OLR1: variants seen among roughly 807,000 people sequenced by gnomAD.
The protein encoded by OLR1 is oxidized low-density lipoprotein receptor 1.
A neutral mutation model predicts 31.7 loss-of-function variants in OLR1; 23 were observed. The ratio of observed to expected loss-of-function variants is 0.72; its 90% CI spans 0.52 to 1.03. The LOEUF (loss-of-function observed/expected upper bound fraction) is 1.03, where lower values mean the gene tolerates loss of function less well. Ranked by LOEUF, OLR1 falls within the 50% of genes least tolerant of loss-of-function variation. The probability of loss-of-function intolerance (pLI) is 0.00; values close to 1 mark genes in which losing one functional copy is unlikely to be tolerated. For synonymous variants in OLR1, 117 were observed against 115.8 expected (o/e 1.01, Z -0.07); for missense variants, 286 against 315.7 (o/e 0.91, Z 0.71).
At chr12:10,166,322 G>T (rs11832836) in intron 3 of OLR1, among the ~76,000 whole-genome samples, 1,939 of 152,232 alleles carry the variant, frequency 0.013, 39 homozygotes, top group African/African-American at 0.045. Flanking sequence ...GAGGTCAGGA[G>T]TTCGCGACCA....
At chr12:10,173,296 T>C (rs2137532103), upstream of OLR1, among the ~76,000 whole-genome samples, 1 of 149,746 alleles carries the variant, frequency 6.7e-6, no homozygotes, top group East Asian at 2.0e-4. Context: ...TTACTTTAAA[T>C]TACTCCAGGA....
intron 3 of OLR1, among the ~76,000 whole-genome samples, chr12:10,163,590 T>A (rs1948636951): frequency 6.6e-6 from 1 of 152,130 alleles, no homozygotes; most frequent in Non-Finnish European, 1.5e-5. Flanking sequence ...TGGCTTTTTT[T>A]TTTTTTCTGT....
chr12:10,160,072 GC>G lies in OLR1; in HGVS notation c.681-52del, dbSNP rs1220903947. 3 of 1,552,242 alleles carry G rather than the reference GC, an allele frequency of 1.9e-6. No homozygotes were observed. In the African/African-American group the frequency reaches 4.1e-5, roughly 21 times the overall value. On this transcript the variant is annotated intron_variant, in intron 5 of 5. Coordinates refer to ENST00000309539, the MANE Select transcript of OLR1 (RefSeq NM_002543.4). Reference sequence around the variant, plus strand: ...ACCAACAAAAAAACTTAGGTTTACTGCCACCTTGTTTCAGAAACTTAGCTTT... The same window carrying G: ...ACCAACAAAAAAACTTAGGTTTACTGCACCTTGTTTCAGAAACTTAGCTTT...
At chr12:10,173,751 C>A (rs1241909093), upstream of OLR1, among the ~76,000 whole-genome samples, 8 of 138,334 alleles carry the variant, frequency 5.8e-5, no homozygotes, top group Non-Finnish European at 1.1e-4. Flanking sequence ...GGCAACAGAG[C>A]GAGACTCCCT....
chr12:10,166,566 TGA>T (rs1342835023), intron 3 of OLR1, 144 bp downstream of exon 3: 3 of 814,830 alleles, frequency 3.7e-6, no homozygotes, highest in Non-Finnish European at 5.9e-6. Context: ...AAAAAGAAAT[TGA>T]GAACTTCTTG....
At chr12:10,160,316 AGAGAG>A in intron 5 of OLR1, 26 bp downstream of exon 5, 1 of 1,530,220 alleles carries the variant, frequency 6.5e-7, no homozygotes, top group South Asian at 1.1e-5. Context: ...GAAACTGACG[AGAGAG>A]GCATCAAAAA....
rs1410024324 is a variant in OLR1 at position 10,159,904 on chromosome 12, C to A, written c.798G>T (p.Lys266Asn). The change falls in exon 6 of 6, where the codon AAG (lysine) becomes AAT (asparagine). Residue 266 changes from lysine to asparagine, a missense_variant. Coordinates refer to ENST00000309539, the MANE Select transcript of OLR1 (RefSeq NM_002543.4). ...TTCACTGTGCTCTTAGGTTTGCCTT[C>A]TTCTGACATATACTGAAGGCAGCTA... ...CILAAFSICQ[K>N]KANLRAQ 1 of 1,613,270 alleles carries A rather than the reference C, an allele frequency of 6.2e-7. No individual in the cohort carries two copies. The highest frequency in any genetic ancestry group is 1.3e-5 in the African/African-American group (1 of 74,932).
intron 3 of OLR1, among the ~76,000 whole-genome samples, chr12:10,162,518 A>G (rs1186235673): frequency 6.6e-6 from 1 of 152,204 alleles, no homozygotes; most frequent in Non-Finnish European, 1.5e-5. Context: ...CCATCATATT[A>G]TGTAAATATA....
intron 3 of OLR1, among the ~76,000 whole-genome samples, chr12:10,165,467 C>T (rs1245632339): frequency 1.3e-5 from 2 of 151,222 alleles, no homozygotes; most frequent in African/African-American, 4.9e-5. Context: ...TGATGTAGTA[C>T]ACTTTAAGAA....
rs994573018 is a variant in OLR1, at chr12:10,169,298, T to C, written c.77-123A>G. The C allele has an allele frequency of 3.3e-5, 19 of 572,916 alleles. No individual in the cohort carries two copies. In the East Asian group the frequency reaches 5.3e-4, roughly 16 times the overall value. 35.5% of individuals were successfully genotyped at this position (572,916 alleles called of 1,614,324 possible). Reference sequence around the variant, plus strand: ...TTATGTTTTAGTAAATAGACATAAATAGTTTGCATTCCATACCACTAGTCC... The same window carrying C: ...TTATGTTTTAGTAAATAGACATAAACAGTTTGCATTCCATACCACTAGTCC... On this transcript the variant is annotated intron_variant, in intron 1 of 5. Coordinates refer to ENST00000309539, the MANE Select transcript of OLR1 (RefSeq NM_002543.4).
At chr12:10,168,676 T>C (rs769792539) in intron 2 of OLR1, among the ~76,000 whole-genome samples, 4 of 152,144 alleles carry the variant, frequency 2.6e-5, no homozygotes, top group African/African-American at 4.8e-5. Context: ...GTATTTTTAG[T>C]AGAGATGGGG....
intron 2 of OLR1, chr12:10,167,292 A>G (rs1213586454): frequency 4.6e-6 from 1 of 218,512 alleles, no homozygotes; most frequent in East Asian, 1.1e-4. Flanking sequence ...CCTGGCCAAC[A>G]TGGTGAAACC....
chr12:10,171,875 T>C (rs1396928950), intron 1 of OLR1, 127 bp downstream of exon 1: 2 of 630,030 alleles, frequency 3.2e-6, no homozygotes, highest in East Asian at 2.7e-5. Context: ...TTCTTTTAAG[T>C]AAATGGTATT....
rs1173800270 is a variant in OLR1, at chr12:10,159,734, G to T, written c.*146C>A. On this transcript the variant is annotated 3_prime_UTR_variant, in exon 6 of 6. Coordinates refer to ENST00000309539, the MANE Select transcript of OLR1 (RefSeq NM_002543.4). Reference sequence around the variant, plus strand: ...TTGACATAAAGGTGCCAGGCTCCTGGAACCCCAGTTTCTGCAAAGGAGTTC... The same window carrying T: ...TTGACATAAAGGTGCCAGGCTCCTGTAACCCCAGTTTCTGCAAAGGAGTTC... 8.9e-6 allele frequency: 6 copies of T among 673,372 alleles called. No homozygotes were observed. The highest frequency in any genetic ancestry group is 1.8e-5 in the African/African-American group (1 of 56,276). 41.7% of individuals were successfully genotyped at this position (673,372 alleles called of 1,614,324 possible). A position where few individuals can be genotyped will look rare whatever the true frequency, so the allele number is the denominator to read the frequency against.
At position 10,167,338 on chromosome 12, in the gene OLR1, G is replaced by A. The variant is rs1948671457; in HGVS notation, c.179-381C>T. The A allele has an allele frequency of 2.2e-5, 4 of 179,768 alleles. No homozygotes were observed. In the South Asian group the frequency reaches 4.3e-4, roughly 19 times the overall value. 11.1% of individuals were successfully genotyped at this position (179,768 alleles called of 1,614,324 possible). On this transcript the variant is annotated intron_variant, in intron 2 of 5. Transcript: ENST00000309539. ...TAAAAATACCAAAGAAATTAGCTGA[G>A]GGTGGTGGCACGCGCCTGTAGTCCC...
At position 10,166,719 on chromosome 12, in the gene OLR1, A is replaced by G; in HGVS notation, c.417T>C (p.Asn139=). 1 of 1,613,844 alleles carries G rather than the reference A, an allele frequency of 6.2e-7. No homozygotes were observed. Among genetic ancestry groups the G allele is most frequent in the South Asian group, 1.1e-5 (1 of 91,072 alleles). Residue 139 remains asparagine (N), a synonymous_variant, in exon 3 of 6, where the codon AAT becomes AAC. Transcript: ENST00000309539. ...CCACCCTTCTCCCAATACCTGAACA[A>G]TTTGCTACTCTCTTCAGTGTTTCTT... ...NLQETLKRVA[N]CSAPCPQDWI... is the part of the protein sequence containing the mutation.
Position 10,160,352 on chromosome 12 carries a change from G to A in OLR1, c.675C>T (p.Pro225=), listed in dbSNP as rs778557944. The change falls in exon 5 of 6, where the codon CCC becomes CCT. Residue 225 remains proline, a synonymous_variant. Coordinates refer to ENST00000309539, the MANE Select transcript of OLR1 (RefSeq NM_002543.4). Reference sequence around the variant, plus strand: ...AAAAAGAATGGGAAACTTACAAGTGGGGCATCAAAGGAGAACCGTCCTCCC... The same window carrying A: ...AAAAAGAATGGGAAACTTACAAGTGAGGCATCAAAGGAGAACCGTCCTCCC... The part of the protein sequence containing the change: ...WLWEDGSPLM[P]HLFRVRGAVS... The A allele has an allele frequency of 6.2e-7, 1 of 1,611,212 alleles. No individual in the cohort carries two copies. The highest frequency in any genetic ancestry group is 1.1e-5 in the South Asian group (1 of 90,692).
chr12:10,161,812 C>T (rs1481675103), intron 3 of OLR1, among the ~76,000 whole-genome samples: 1 of 151,850 alleles, frequency 6.6e-6, no homozygotes, highest in Non-Finnish European at 1.5e-5. Context: ...AATTTTTATA[C>T]TGATTAGTAT....
Position 10,166,704 on chromosome 12 carries a change from C to T in OLR1, c.424+8G>A. On this transcript the variant is annotated splice_region_variant and intron_variant, in intron 3 of 5. Transcript: ENST00000309539. ...ACTATGTCTCCTTACCCACCCTTCT[C>T]CCAATACCTGAACAATTTGCTACTC... 1 of 1,614,004 alleles carries T rather than the reference C, an allele frequency of 6.2e-7. No individual in the cohort carries two copies. Among genetic ancestry groups the T allele is most frequent in the African/African-American group, 1.3e-5 (1 of 75,012 alleles).
Sources: allele counts gnomAD v4.1 joint callset (sites outside exome capture counted in the v4.1 genomes callset), GRCh38; gene constraint gnomAD v4.1.1; transcripts MANE v1.5; gene names NCBI Gene and HGNC (gene_info 2026-07-23, HGNC 2026-07-21).